Variants in STOX2 observed in about 807,000 individuals in gnomAD.
The protein encoded by STOX2 is storkhead box 2, also known as storkhead-box protein 2.
A neutral mutation model predicts 60.9 loss-of-function variants in STOX2; 28 were observed. The observed-to-expected ratio is 0.46, with a 90% confidence interval of 0.34 to 0.63. The LOEUF (loss-of-function observed/expected upper bound fraction) is 0.63. Ranked by LOEUF, STOX2 falls within the 30% of genes least tolerant of loss-of-function variation. STOX2 has a pLI of 0.01. For missense variants in STOX2, 1,024 were observed against 1,187.7 expected (o/e 0.86, Z 2.03); for synonymous variants, 472 against 463.9 (o/e 1.02, Z -0.22).
intron 1 of STOX2, among the ~76,000 whole-genome samples, chr4:183,965,949 T>C (rs77449895): frequency 0.02 from 3,011 of 151,582 alleles, 102 homozygotes; most frequent in African/African-American, 0.069. Flanking sequence ...AACCAGGAGA[T>C]ACAAGAAGGG....
chr4:184,017,253 A>G lies in STOX2; in HGVS notation c.2750A>G (p.Asn917Ser), dbSNP rs542769638. The change falls in exon 4 of 4, where the codon AAC becomes AGC. Residue 917 changes from asparagine (N) to serine (S), a missense_variant. By Grantham distance (46) the Asn-to-Ser change is conservative. Transcript: ENST00000308497. Reference sequence around the variant, plus strand: ...GCTGAGAAGCTACAGAAACCTTCCAACTGCTTGCAAGCTTCTGTTACTAGC... The same window carrying G: ...GCTGAGAAGCTACAGAAACCTTCCAGCTGCTTGCAAGCTTCTGTTACTAGC... ...NEAEKLQKPS[N>S]CLQASVTSV 8.7e-6 allele frequency: 14 copies of G among 1,602,080 alleles called. No individual in the cohort carries two copies. Among genetic ancestry groups the G allele is most frequent in the Middle Eastern group, 1.6e-4 (1 of 6,068 alleles).
chr4:183,814,459 C>A (rs1330732576), intron 1 of STOX2, among the ~76,000 whole-genome samples: 2 of 152,316 alleles, frequency 1.3e-5, no homozygotes, highest in East Asian at 3.9e-4. Flanking sequence ...GACAAAGACA[C>A]TGAGCTTAGA....
intron 1 of STOX2, among the ~76,000 whole-genome samples, chr4:183,911,356 G>A (rs1741776338): frequency 6.6e-6 from 1 of 152,216 alleles, no homozygotes; most frequent in Non-Finnish European, 1.5e-5. Context: ...ATAATCATAT[G>A]CAAGTTTTAA....
At chr4:183,845,871 A>T (rs1278817956) in intron 1 of STOX2, among the ~76,000 whole-genome samples, 1 of 152,232 alleles carries the variant, frequency 6.6e-6, no homozygotes. Flanking sequence ...TGACTTTTAT[A>T]TGTACTTATG....
intron 1 of STOX2, among the ~76,000 whole-genome samples, chr4:183,850,879 AGAAAGGATGAGAGAAACGATGAGG>A (rs1740104009): frequency 4.3e-5 from 4 of 93,364 alleles, no homozygotes; most frequent in Non-Finnish European, 6.8e-5. Context: ...AAAGGATGAG[AGAAAGGATGAGAGAAACGATGAGG>A]GAAAGGATGA....
chr4:183,948,540 C>CTTTTTTTTTTTTTTT (rs10687778), intron 1 of STOX2, among the ~76,000 whole-genome samples: 2 of 78,182 alleles, frequency 2.6e-5, no homozygotes, highest in Non-Finnish European at 2.3e-5. Context: ...ATGCCTTATC[C>CTTTTTTTTTTTTTTT]TTTTTTTTTT....
chr4:183,925,651 T>C (rs1742219234), intron 1 of STOX2, among the ~76,000 whole-genome samples: 1 of 152,182 alleles, frequency 6.6e-6, no homozygotes, highest in African/African-American at 2.4e-5. Context: ...TATATAATGT[T>C]CCACTAGACA....
chr4:183,914,792 C>T (rs542695755), intron 1 of STOX2, among the ~76,000 whole-genome samples: 11 of 152,080 alleles, frequency 7.2e-5, no homozygotes, highest in African/African-American at 2.2e-4. Flanking sequence ...CCTGGAAACT[C>T]GAGGTTAGGA....
intron 1 of STOX2, among the ~76,000 whole-genome samples, chr4:183,907,375 C>A (rs764462727): frequency 2.0e-5 from 3 of 152,166 alleles, no homozygotes; most frequent in Non-Finnish European, 4.4e-5. Flanking sequence ...GGAACAGGTT[C>A]CATGCGCAGC....
At chr4:183,971,239 T>G (rs1743733176) in intron 1 of STOX2, among the ~76,000 whole-genome samples, 1 of 152,240 alleles carries the variant, frequency 6.6e-6, no homozygotes, top group Non-Finnish European at 1.5e-5. Context: ...TCTCAGGCCA[T>G]ACCTGTTTCT....
chr4:183,980,576 G>A (rs1167353486), intron 1 of STOX2, among the ~76,000 whole-genome samples: 1 of 152,102 alleles, frequency 6.6e-6, no homozygotes, highest in African/African-American at 2.4e-5. Context: ...ACTGTGAGAA[G>A]TACAAATTCA....
intron 1 of STOX2, among the ~76,000 whole-genome samples, chr4:183,996,924 T>A (rs1370044201): frequency 6.6e-6 from 1 of 152,212 alleles, no homozygotes; most frequent in East Asian, 1.9e-4. Context: ...AAAATATTAA[T>A]AAAATTACAG....
Position 183,953,316 on chromosome 4 carries a change from G to A in STOX2, c.166+46360G>A, listed in dbSNP as rs189028445. 4.0e-3 allele frequency among the ~76,000 whole-genome samples: 616 copies of A among 152,242 alleles called. 6 individuals are homozygous for A. The highest frequency in any genetic ancestry group is 0.013 in the African/African-American group (556 of 41,542). On this transcript the variant is annotated intron_variant, in intron 1 of 3. Transcript: ENST00000308497. ...AAGGCAGATTTTTCACACAGGGGTG[G>A]TATATGGGTCATGAAGGCAAGGGTG...
intron 2 of STOX2, among the ~76,000 whole-genome samples, chr4:184,008,019 A>G (rs981927123): frequency 8.5e-5 from 13 of 152,168 alleles, no homozygotes; most frequent in African/African-American, 2.9e-4. Flanking sequence ...CAGGGTTTCA[A>G]TCCAGCAGCC....
chr4:183,823,795 G>A (rs980630103), intron 1 of STOX2, among the ~76,000 whole-genome samples: 2 of 152,196 alleles, frequency 1.3e-5, no homozygotes, highest in African/African-American at 4.8e-5. Flanking sequence ...CAACTTTCCT[G>A]GCGTTTTCCT....
At chr4:183,805,337 C>T (rs933754981) in intron 1 of STOX2, among the ~76,000 whole-genome samples, 21 of 152,150 alleles carry the variant, frequency 1.4e-4, no homozygotes, top group African/African-American at 4.6e-4. Flanking sequence ...TGATTTCCAA[C>T]ATTTCTTAAT....
intron 1 of STOX2, among the ~76,000 whole-genome samples, chr4:183,879,841 G>T (rs1490222187): frequency 2.0e-5 from 3 of 152,036 alleles, no homozygotes; most frequent in Non-Finnish European, 4.4e-5. Context: ...AGAAGAACGT[G>T]GGGGGATGGC....
At chr4:183,884,951 G>A (rs1342688054) in intron 1 of STOX2, among the ~76,000 whole-genome samples, 1 of 152,200 alleles carries the variant, frequency 6.6e-6, no homozygotes, top group East Asian at 1.9e-4. Flanking sequence ...AACCAGCCAA[G>A]TACAGCTGTG....
chr4:183,931,334 G>A (rs778980842), intron 1 of STOX2, among the ~76,000 whole-genome samples: 2 of 152,128 alleles, frequency 1.3e-5, no homozygotes, highest in Admixed American at 1.3e-4. Context: ...TGAGGCGGGA[G>A]AATCGCTTGA....
Sources: allele counts gnomAD v4.1 joint callset (sites outside exome capture counted in the v4.1 genomes callset), GRCh38; gene constraint gnomAD v4.1.1; transcripts MANE v1.5; gene names NCBI Gene and HGNC (gene_info 2026-07-23, HGNC 2026-07-21).